Variants in CSMD2 observed in about 807,000 individuals in gnomAD.
CSMD2 encodes the protein CUB and Sushi multiple domains 2, also known as CUB and sushi domain-containing protein 2.
A neutral mutation model predicts 398.5 loss-of-function variants in CSMD2; 130 were observed. That is an observed-to-expected ratio of 0.33 (90% CI 0.28 to 0.38). The LOEUF (loss-of-function observed/expected upper bound fraction) is 0.38, where lower values mean the gene tolerates loss of function less well. Ranked by LOEUF, CSMD2 falls within the 10% of genes least tolerant of loss-of-function variation. CSMD2 has a pLI of 1.00. For missense variants in CSMD2, 3,829 were observed against 4,764.9 expected (o/e 0.80, Z 5.78); for synonymous variants, 1,828 against 1,908.5 (o/e 0.96, Z 1.10).
chr1:33,706,742 C>A (rs1026532128), intron 22 of CSMD2, among the ~76,000 whole-genome samples: 16 of 152,058 alleles, frequency 1.1e-4, no homozygotes, highest in African/African-American at 3.9e-4. Context: ...GTAGCAGGAG[C>A]ATTTCCTACC....
intron 3 of CSMD2, among the ~76,000 whole-genome samples, chr1:33,989,933 T>C (rs898665847): frequency 6.6e-6 from 1 of 152,102 alleles, no homozygotes; most frequent in Non-Finnish European, 1.5e-5. Context: ...GATGGATGCA[T>C]GAACTTGTGA....
In CSMD2 at chr1:33,700,633, A is replaced by C; in HGVS notation, c.3617T>G (p.Val1206Gly). ...CCCCATCATCTCAGAATGGCTAAAAACTCCCAGCAAACGGGCGGAGTTGTT... is the reference window on the plus strand; with the variant it reads ...CCCCATCATCTCAGAATGGCTAAAACCTCCCAGCAAACGGGCGGAGTTGTT... ...GNNNSARLLGVFSHSEMMGVT... is the reference protein window; with the variant it reads ...GNNNSARLLGGFSHSEMMGVT... Residue 1206 changes from valine (V) to glycine (G), a missense_variant, in exon 23 of 71, where the codon GTT becomes GGT. Physicochemically the swap from Val to Gly is moderately radical, Grantham distance 109. This residue lies in a region of CSMD2 where 2,001 missense variants were observed against 2,567.1 expected (regional missense o/e 0.78). Transcript: ENST00000373381. 6.2e-7 allele frequency: 1 copy of C among 1,613,858 alleles called. No individual in the cohort carries two copies. Among genetic ancestry groups the C allele is most frequent in the Non-Finnish European group, 8.5e-7 (1 of 1,179,964 alleles).
At chr1:34,012,519 G>A (rs1241281212) in intron 3 of CSMD2, among the ~76,000 whole-genome samples, 1 of 151,732 alleles carries the variant, frequency 6.6e-6, no homozygotes, top group African/African-American at 2.4e-5. Context: ...TTGGCTCGCT[G>A]CGACCTCTGC....
chr1:33,600,100 C>T, intron 44 of CSMD2: 1 of 698,056 alleles, frequency 1.4e-6, no homozygotes, highest in East Asian at 2.7e-5. Context: ...GTCACAAACT[C>T]CAAGCCGGTA....
At chr1:33,791,371 A>T (rs1654292540) in intron 11 of CSMD2, among the ~76,000 whole-genome samples, 1 of 152,194 alleles carries the variant, frequency 6.6e-6, no homozygotes, top group Non-Finnish European at 1.5e-5. Flanking sequence ...GCCTGGGAGC[A>T]TGGTAGGTGT....
chr1:33,861,879 C>T (rs975609816), intron 5 of CSMD2, among the ~76,000 whole-genome samples: 8 of 152,298 alleles, frequency 5.3e-5, no homozygotes, highest in African/African-American at 1.9e-4. Flanking sequence ...GAACCAGCTC[C>T]AAGTGACCCT....
chr1:34,031,358 C>T (rs999918545), intron 3 of CSMD2, among the ~76,000 whole-genome samples: 51 of 151,664 alleles, frequency 3.4e-4, no homozygotes, highest in African/African-American at 1.2e-3. Flanking sequence ...CCACCACACC[C>T]GGCTGAGATC....
chr1:34,118,273 T>C (rs2148462160), intron 1 of CSMD2, among the ~76,000 whole-genome samples: 1 of 152,176 alleles, frequency 6.6e-6, no homozygotes, highest in East Asian at 1.9e-4. Flanking sequence ...TACCTCAATA[T>C]AGTAAAGACC....
rs775112335 is a variant in CSMD2, at chr1:33,586,599, C to A, written c.6956G>T (p.Arg2319Ile). The change falls in exon 46 of 71, where the codon AGA (arginine) becomes ATA (isoleucine). Residue 2319 changes from arginine to isoleucine, a missense_variant. Physicochemically the swap from Arg to Ile is moderately conservative, Grantham distance 97. This residue lies in a region of CSMD2 where 723 missense variants were observed against 758.6 expected (regional missense o/e 0.95). Transcript: ENST00000373381. ...CACTAAGGTAAAGCCAGGGAGGCATCTGTAGCGTACGATGTCACCTGTCAA... is the reference window on the plus strand; with the variant it reads ...CACTAAGGTAAAGCCAGGGAGGCATATGTAGCGTACGATGTCACCTGTCAA... ...EFNIGDIVRY[R>I]CLPGFTLVGN... 1 of 1,612,846 alleles carries A rather than the reference C, an allele frequency of 6.2e-7. No individual in the cohort carries two copies. The highest frequency in any genetic ancestry group is 8.5e-7 in the Non-Finnish European group (1 of 1,178,986).
intron 3 of CSMD2, among the ~76,000 whole-genome samples, chr1:33,947,754 T>C (rs1644881999): frequency 6.6e-6 from 1 of 152,248 alleles, no homozygotes; most frequent in South Asian, 2.1e-4. Flanking sequence ...CTGTGAATCC[T>C]CATCCTCCTC....
intron 2 of CSMD2, among the ~76,000 whole-genome samples, chr1:34,081,059 C>CA: frequency 6.6e-6 from 1 of 152,164 alleles, no homozygotes; most frequent in South Asian, 2.1e-4. Context: ...AGTGTACAAC[C>CA]TTAGGATAAT....
intron 2 of CSMD2, among the ~76,000 whole-genome samples, chr1:34,063,829 C>T (rs1205033099): frequency 3.9e-5 from 6 of 152,214 alleles, no homozygotes; most frequent in African/African-American, 7.2e-5. Flanking sequence ...ATGAGGGCCC[C>T]GCCCGTACAG....
At chr1:34,129,950 T>C (rs1259610785) in intron 1 of CSMD2, among the ~76,000 whole-genome samples, 1 of 152,118 alleles carries the variant, frequency 6.6e-6, no homozygotes, top group Non-Finnish European at 1.5e-5. Flanking sequence ...AAGCATAATA[T>C]TAATAATACC....
chr1:33,714,291 T>G (rs1364151012), intron 21 of CSMD2, among the ~76,000 whole-genome samples: 1 of 151,908 alleles, frequency 6.6e-6, no homozygotes, highest in African/African-American at 2.4e-5. Flanking sequence ...GGTGGGGAGG[T>G]AAGAGTACTG....
intron 1 of CSMD2, among the ~76,000 whole-genome samples, chr1:34,091,831 T>C (rs1183099422): frequency 1.3e-5 from 2 of 152,110 alleles, no homozygotes; most frequent in Non-Finnish European, 2.9e-5. Flanking sequence ...CTGATTAAGA[T>C]TGGGAACAAG....
chr1:33,573,519 C>CA (rs1659788905), intron 49 of CSMD2, among the ~76,000 whole-genome samples: 1 of 142,256 alleles, frequency 7.0e-6, no homozygotes, highest in African/African-American at 2.7e-5. Context: ...GAAAAAAAAA[C>CA]AAACAAAAAA....
intron 26 of CSMD2, 62 bp downstream of exon 26, chr1:33,662,828 A>AGGAAGGTG (rs1449154214): frequency 2.8e-6 from 4 of 1,434,356 alleles, no homozygotes; most frequent in Non-Finnish European, 3.9e-6. Flanking sequence ...TGAGGGCCAG[A>AGGAAGGTG]GGAAGGTGGG....
At chr1:33,813,374 A>G (rs1657073999) in intron 9 of CSMD2, among the ~76,000 whole-genome samples, 1 of 152,218 alleles carries the variant, frequency 6.6e-6, no homozygotes, top group Non-Finnish European at 1.5e-5. Context: ...ACAGACAGAC[A>G]TCACCCTGAG....
chr1:33,827,357 G>A (rs1044792433), intron 6 of CSMD2, among the ~76,000 whole-genome samples: 1 of 152,114 alleles, frequency 6.6e-6, no homozygotes, highest in Admixed American at 6.5e-5. Flanking sequence ...CAGCCTCATG[G>A]GCCTCTCTGA....
Sources: gnomAD v4.1 joint callset for allele counts (sites outside exome capture counted in the v4.1 genomes callset) on GRCh38, gnomAD v4.1.1 for gene constraint, gnomAD v4.1.1 regional missense constraint, MANE v1.5 for transcripts, NCBI Gene and HGNC (gene_info 2026-07-23, HGNC 2026-07-21) for gene names.